Variants in SORCS2 observed in about 807,000 individuals in gnomAD.
SORCS2 encodes the protein sortilin related VPS10 domain containing receptor 2, also known as VPS10 domain-containing receptor SorCS2.
A neutral mutation model predicts 141.6 loss-of-function variants in SORCS2; 100 were observed. The observed-to-expected ratio is 0.71, with a 90% CI of 0.60 to 0.83. SORCS2 has a LOEUF of 0.83. SORCS2 is among the 40% of genes least tolerant of loss of function. The probability of loss-of-function intolerance (pLI) is 0.00; values close to 1 mark genes in which losing one functional copy is unlikely to be tolerated. For missense variants in SORCS2, 1,646 were observed against 1,560.2 expected, an observed-to-expected ratio of 1.05 and a Z score of -0.93; for synonymous variants, 789 against 676.9, an observed-to-expected ratio of 1.17 and a Z score of -2.57.
At chr4:7,326,224 G>C (rs1198087585) in intron 1 of SORCS2, among the ~76,000 whole-genome samples, 1 of 152,112 alleles carries the variant, frequency 6.6e-6, no homozygotes, top group Non-Finnish European at 1.5e-5. Flanking sequence ...TAAGACAGAG[G>C]GTTCTGTCCT....
chr4:7,691,672 A>G (rs965370952), intron 11 of SORCS2, among the ~76,000 whole-genome samples: 1 of 152,056 alleles, frequency 6.6e-6, no homozygotes, highest in Non-Finnish European at 1.5e-5. Flanking sequence ...ACTGCCTATC[A>G]GCTTCCACGC....
intron 2 of SORCS2, among the ~76,000 whole-genome samples, chr4:7,420,651 G>C (rs7681390): frequency 0.85 from 128,897 of 152,118 alleles, 54,701 homozygotes; most frequent in African/African-American, 0.89. Flanking sequence ...CTTTCCTGAC[G>C]CCACTGAGCC....
chr4:7,288,304 G>A (rs551079536), intron 1 of SORCS2, among the ~76,000 whole-genome samples: 190 of 152,190 alleles, frequency 1.2e-3, no homozygotes, highest in African/African-American at 3.9e-3. Context: ...TGGGGGCCCC[G>A]TGGTCCTACC....
chr4:7,359,086 A>G (rs1282848537), intron 1 of SORCS2, among the ~76,000 whole-genome samples: 1 of 152,250 alleles, frequency 6.6e-6, no homozygotes, highest in African/African-American at 2.4e-5. Context: ...ATCTGAGGTT[A>G]GGAGTTCAAG....
intron 1 of SORCS2, among the ~76,000 whole-genome samples, chr4:7,337,731 C>T (rs1334967494): frequency 1.3e-5 from 2 of 152,212 alleles, no homozygotes; most frequent in Non-Finnish European, 2.9e-5. Context: ...ATCCCAGCCG[C>T]CCTTAGCCAA....
chr4:7,338,173 A>ATGGATGGATGG (rs1720117462), intron 1 of SORCS2, among the ~76,000 whole-genome samples: 1 of 145,326 alleles, frequency 6.9e-6, no homozygotes. Flanking sequence ...GGATGGATGG[A>ATGGATGGATGG]TGGATGGATG....
chr4:7,660,676 C>T (rs1299072837), intron 5 of SORCS2, among the ~76,000 whole-genome samples: 2 of 152,174 alleles, frequency 1.3e-5, no homozygotes, highest in Admixed American at 6.5e-5. Context: ...TTGCCTCAGG[C>T]AAGTCACAGA....
intron 18 of SORCS2, among the ~76,000 whole-genome samples, chr4:7,723,063 A>T (rs1726701962): frequency 6.6e-6 from 1 of 152,070 alleles, no homozygotes; most frequent in Non-Finnish European, 1.5e-5. Flanking sequence ...AAATGCGGTT[A>T]TTGGAAGGTG....
intron 1 of SORCS2, among the ~76,000 whole-genome samples, chr4:7,367,107 C>A (rs1265099256): frequency 6.6e-6 from 1 of 152,152 alleles, no homozygotes; most frequent in South Asian, 2.1e-4. Flanking sequence ...CAAAGGGGAG[C>A]CCCGTGATGT....
intron 3 of SORCS2, among the ~76,000 whole-genome samples, chr4:7,569,995 G>A (rs1309433867): frequency 1.3e-5 from 2 of 152,188 alleles, no homozygotes; most frequent in East Asian, 3.9e-4. Context: ...GCTCTCCTGG[G>A]CAGGGGACGA....
chr4:7,455,705 G>C (rs1179516271), intron 2 of SORCS2, among the ~76,000 whole-genome samples: 1 of 150,306 alleles, frequency 6.7e-6, no homozygotes, highest in Non-Finnish European at 1.5e-5. Context: ...TTTGGGTCAG[G>C]AGCTTTGTTG....
intron 3 of SORCS2, among the ~76,000 whole-genome samples, chr4:7,554,668 G>T (rs750117141): frequency 6.6e-6 from 1 of 152,206 alleles, no homozygotes; most frequent in Non-Finnish European, 1.5e-5. Context: ...ATGCCTGTCA[G>T]AGATGCATAA....
rs1223889061 is a variant in SORCS2, at chr4:7,701,183, G to C, written c.1669-2097G>C. Reference sequence around the variant, plus strand: ...CCCACTCTAAACAGGAAGGAGAAAGGAGGAAGGGAGGGAGAGGGGAAGAGG... The same window carrying C: ...CCCACTCTAAACAGGAAGGAGAAAGCAGGAAGGGAGGGAGAGGGGAAGAGG... On this transcript the variant is annotated intron_variant, in intron 12 of 26. Transcript: ENST00000507866. Among the ~76,000 whole-genome samples, 9 of 151,776 alleles carry C rather than the reference G, an allele frequency of 5.9e-5. No individual in the cohort carries two copies. In the East Asian group the frequency reaches 1.6e-3, roughly 26 times the overall value.
At chr4:7,292,143 G>C (rs1348919575) in intron 1 of SORCS2, among the ~76,000 whole-genome samples, 2 of 152,208 alleles carry the variant, frequency 1.3e-5, no homozygotes, top group African/African-American at 4.8e-5. Flanking sequence ...GAAAAGCTGG[G>C]TTGCCGCTTC....
rs546144261 is a variant in SORCS2, at chr4:7,559,048, G to C, written c.648+27419G>C. ...TTTTGAGCCACTACTCGCTTCCTCT[G>C]CATCATTTGCTCTTGTTGGGGGATG... On this transcript the variant is annotated intron_variant, in intron 3 of 26. Coordinates refer to ENST00000507866, the MANE Select transcript of SORCS2 (RefSeq NM_020777.3). Among the ~76,000 whole-genome samples the C allele has an allele frequency of 3.3e-5, 5 of 152,262 alleles. No individual in the cohort carries two copies. In the South Asian group the frequency reaches 1.0e-3, roughly 32 times the overall value.
intron 1 of SORCS2, among the ~76,000 whole-genome samples, chr4:7,296,840 C>T (rs1036309560): frequency 2.0e-5 from 3 of 152,154 alleles, no homozygotes; most frequent in African/African-American, 2.4e-5. Context: ...CTCTATCGCT[C>T]GGTAGTCCTT....
intron 1 of SORCS2, among the ~76,000 whole-genome samples, chr4:7,204,900 G>C (rs879735731): frequency 2.0e-5 from 3 of 152,204 alleles, no homozygotes; most frequent in Admixed American, 1.3e-4. Flanking sequence ...GCGCGGCCGC[G>C]CTTGCTAAGG....
intron 2 of SORCS2, among the ~76,000 whole-genome samples, chr4:7,491,606 G>T (rs973447258): frequency 1.3e-5 from 2 of 152,228 alleles, no homozygotes; most frequent in Non-Finnish European, 2.9e-5. Context: ...TGGCCAGCAG[G>T]TCCCTTGACC....
chr4:7,373,478 A>ATATATATATATATATATATATTT, intron 1 of SORCS2, among the ~76,000 whole-genome samples: 1 of 36,812 alleles, frequency 2.7e-5, no homozygotes, highest in East Asian at 2.2e-3. Context: ...ATATATATAT[A>ATATATATATATATATATATATTT]TTTTTTTTTT....
Sources: allele counts gnomAD v4.1 joint callset (sites outside exome capture counted in the v4.1 genomes callset), GRCh38; gene constraint gnomAD v4.1.1; transcripts MANE v1.5; gene names NCBI Gene and HGNC (gene_info 2026-07-23, HGNC 2026-07-21).